MARK3: variants seen among roughly 807,000 people sequenced by gnomAD.
The protein encoded by MARK3 is microtubule affinity regulating kinase 3.
Under a neutral mutation model 90.1 loss-of-function variants are expected in MARK3, and 46 were observed. The observed-to-expected ratio is 0.51, with a 90% confidence interval of 0.40 to 0.65. The LOEUF is 0.65. Among genes scored for constraint, MARK3 ranks in the 30% least tolerant of loss-of-function variants. The probability of loss-of-function intolerance (pLI) is 0.00; values close to 1 mark genes in which losing one functional copy is unlikely to be tolerated. For missense variants in MARK3, 818 were observed against 947.2 expected, an observed-to-expected ratio of 0.86 and a Z score of 1.79; for synonymous variants, 321 against 332.6, an observed-to-expected ratio of 0.97 and a Z score of 0.38.
At chr14:103,497,693 T>C (rs2075423243) in intron 15 of MARK3, among the ~76,000 whole-genome samples, 1 of 152,208 alleles carries the variant, frequency 6.6e-6, no homozygotes, top group Non-Finnish European at 1.5e-5. Flanking sequence ...AAAAGTGATT[T>C]ATGTCATACC....
intron 1 of MARK3, among the ~76,000 whole-genome samples, chr14:103,390,098 AT>A (rs1395764679): frequency 2.0e-5 from 3 of 151,918 alleles, no homozygotes; most frequent in African/African-American, 7.3e-5. Context: ...AATATAAAAA[AT>A]TAGCCGGGCG....
At chr14:103,458,501 A>C (rs1356740418) in intron 6 of MARK3, among the ~76,000 whole-genome samples, 1 of 150,870 alleles carries the variant, frequency 6.6e-6, no homozygotes, top group Non-Finnish European at 1.5e-5. Context: ...GACAATACCA[A>C]ATGAATGAAC....
chr14:103,480,917 G>A (rs934138719), intron 14 of MARK3, among the ~76,000 whole-genome samples: 9 of 152,204 alleles, frequency 5.9e-5, no homozygotes, highest in Admixed American at 3.3e-4. Context: ...TTAAAGGTCC[G>A]CAGTTTACCA....
At chr14:103,447,290 C>T (rs953072541) in intron 3 of MARK3, among the ~76,000 whole-genome samples, 1 of 152,036 alleles carries the variant, frequency 6.6e-6, no homozygotes, top group Non-Finnish European at 1.5e-5. Flanking sequence ...CAGAGCGAGA[C>T]CCTGTCTCAA....
At chr14:103,493,160 C>G (rs561320789) in intron 15 of MARK3, among the ~76,000 whole-genome samples, 1 of 150,048 alleles carries the variant, frequency 6.7e-6, no homozygotes, top group Non-Finnish European at 1.5e-5. Flanking sequence ...ATCTTGTATT[C>G]GATCATCTGA....
At chr14:103,430,166 T>C (rs2092537958) in intron 3 of MARK3, among the ~76,000 whole-genome samples, 1 of 152,180 alleles carries the variant, frequency 6.6e-6, no homozygotes, top group African/African-American at 2.4e-5. Context: ...TTTGGTATTA[T>C]TCAAGTATGA....
intron 2 of MARK3, among the ~76,000 whole-genome samples, chr14:103,415,398 A>G (rs2091902357): frequency 6.6e-6 from 1 of 152,128 alleles, no homozygotes; most frequent in Non-Finnish European, 1.5e-5. Context: ...TGCTCATTTT[A>G]TATATTTTTA....
intron 13 of MARK3, among the ~76,000 whole-genome samples, chr14:103,478,370 C>T (rs1345217320): frequency 6.7e-6 from 1 of 148,658 alleles, no homozygotes; most frequent in African/African-American, 2.5e-5. Flanking sequence ...CTGCCCCCCT[C>T]CCTTCCCCCT....
intron 6 of MARK3, 142 bp from the exon 7 acceptor site, chr14:103,462,263 A>G (rs571969100): frequency 9.2e-5 from 50 of 543,688 alleles, no homozygotes; most frequent in Middle Eastern, 4.8e-4. Context: ...AGTTCAAGGC[A>G]TAGGAAAATT....
intron 3 of MARK3, among the ~76,000 whole-genome samples, chr14:103,433,710 T>G (rs1173934965): frequency 6.6e-6 from 1 of 152,058 alleles, no homozygotes; most frequent in Non-Finnish European, 1.5e-5. Context: ...TAAACTGTCC[T>G]GTTTGGGAAA....
chr14:103,390,687 G>A (rs1653852316), intron 1 of MARK3, among the ~76,000 whole-genome samples: 1 of 152,216 alleles, frequency 6.6e-6, no homozygotes, highest in Admixed American at 6.5e-5. Flanking sequence ...CCCTAGGGCT[G>A]TGGGTTGGAC....
At chr14:103,493,929 C>A (rs1457742832) in intron 15 of MARK3, among the ~76,000 whole-genome samples, 2 of 147,054 alleles carry the variant, frequency 1.4e-5, no homozygotes, top group African/African-American at 2.5e-5. Flanking sequence ...ACTCTTTTTT[C>A]AGTCATTTTA....
chr14:103,455,465 G>C (rs982757734), intron 5 of MARK3, among the ~76,000 whole-genome samples: 9 of 152,140 alleles, frequency 5.9e-5, no homozygotes, highest in African/African-American at 2.2e-4. Flanking sequence ...GGTGGCTCAC[G>C]CGTGTAATCC....
intron 2 of MARK3, among the ~76,000 whole-genome samples, chr14:103,419,735 G>A (rs1490287157): frequency 6.6e-6 from 1 of 152,154 alleles, no homozygotes; most frequent in Non-Finnish European, 1.5e-5. Context: ...GGGGTGGGTA[G>A]ACAGTGATGA....
intron 17 of MARK3, among the ~76,000 whole-genome samples, chr14:103,502,434 G>A (rs1205907386): frequency 6.6e-6 from 1 of 152,222 alleles, no homozygotes; most frequent in Non-Finnish European, 1.5e-5. Context: ...GTTACCCTGA[G>A]TGCCAGTTAC....
intron 14 of MARK3, among the ~76,000 whole-genome samples, chr14:103,488,718 A>C (rs1021745622): frequency 1.3e-5 from 2 of 152,176 alleles, no homozygotes; most frequent in Non-Finnish European, 2.9e-5. Context: ...AGCCAGGCAT[A>C]GTGGCACACT....
chr14:103,496,629 T>C (rs1043492847), intron 15 of MARK3, among the ~76,000 whole-genome samples: 4 of 151,664 alleles, frequency 2.6e-5, no homozygotes, highest in Admixed American at 6.6e-5. Context: ...GCCAGGCTGG[T>C]CACAAACTCC....
At chr14:103,412,079 T>C (rs1465402251) in intron 2 of MARK3, 2 of 569,384 alleles carry the variant, frequency 3.5e-6, no homozygotes, top group East Asian at 6.6e-5. Context: ...TTGTTTTTTG[T>C]TTTTTTTACT....
At chr14:103,479,945 A>C (rs992818474) in intron 13 of MARK3, among the ~76,000 whole-genome samples, 1 of 152,048 alleles carries the variant, frequency 6.6e-6, no homozygotes, top group African/African-American at 2.4e-5. Flanking sequence ...CAGCCGTTGT[A>C]TAGCTTTTTT....
Sources: gnomAD v4.1 joint callset for allele counts (sites outside exome capture counted in the v4.1 genomes callset) on GRCh38, gnomAD v4.1.1 for gene constraint, MANE v1.5 for transcripts, NCBI Gene and HGNC (gene_info 2026-07-23, HGNC 2026-07-21) for gene names.